Variants in NVL observed in about 807,000 individuals in gnomAD.
NVL encodes nuclear VCP like, also known as nuclear valosin-containing protein-like.
In NVL, 84 loss-of-function variants were observed where a neutral mutation model predicts 110.2. The ratio of observed to expected loss-of-function variants is 0.76; its 90% CI spans 0.64 to 0.91. The LOEUF is 0.91. Among genes scored for constraint, NVL ranks in the 40% least tolerant of loss-of-function variants. The pLI, the probability that NVL is intolerant of heterozygous loss-of-function variation, is 0.00. For missense variants in NVL, 882 were observed against 1,035.9 expected (o/e 0.85, Z 2.04); for synonymous variants, 354 against 361.1 (o/e 0.98, Z 0.22).
At chr1:224,313,549 T>C (rs1669765484) in intron 4 of NVL, among the ~76,000 whole-genome samples, 2 of 152,180 alleles carry the variant, frequency 1.3e-5, no homozygotes, top group African/African-American at 4.8e-5. Context: ...TTGTAATGCA[T>C]ATAAAGAGGT....
At chr1:224,231,915 C>A (rs894273772) in intron 21 of NVL, among the ~76,000 whole-genome samples, 11 of 151,906 alleles carry the variant, frequency 7.2e-5, no homozygotes, top group East Asian at 5.8e-4. Flanking sequence ...GTAGTCCCAG[C>A]TACTCGGGAA....
chr1:224,294,203 T>C, intron 12 of NVL, 64 bp downstream of exon 12: 3 of 1,544,786 alleles, frequency 1.9e-6, no homozygotes, highest in Non-Finnish European at 2.7e-6. Context: ...TCTCACCTCT[T>C]ACTTTCAAAC....
At chr1:224,306,668 C>T (rs1380950748) in intron 6 of NVL, among the ~76,000 whole-genome samples, 1 of 152,050 alleles carries the variant, frequency 6.6e-6, no homozygotes, top group Non-Finnish European at 1.5e-5. Flanking sequence ...GCCATCTCTA[C>T]AAAAAATACA....
In NVL at chr1:224,310,491, T is replaced by C. The variant is rs576465109; in HGVS notation, c.342+1309A>G. Among the ~76,000 whole-genome samples the C allele has an allele frequency of 3.3e-5, 5 of 152,282 alleles. No individual in the cohort carries two copies. The South Asian group carries it at 1.0e-3, about 32-fold the overall frequency. ...TATATCCCTTTTTCCATTTTTACTA[T>C]TAATTACTCTATTCTTGTCTGCCCT... is the stretch of plus-strand genomic sequence containing the variant. On this transcript the variant is annotated intron_variant, in intron 5 of 22. Coordinates refer to ENST00000281701, the MANE Select transcript of NVL (RefSeq NM_002533.4).
chr1:224,240,877 G>A (rs1661118183), intron 19 of NVL, among the ~76,000 whole-genome samples: 1 of 135,564 alleles, frequency 7.4e-6, no homozygotes, highest in African/African-American at 2.8e-5. Flanking sequence ...TGCAAGCTCC[G>A]CCTCCCGGGT....
intron 2 of NVL, among the ~76,000 whole-genome samples, chr1:224,320,439 G>A (rs897959283): frequency 1.3e-5 from 2 of 152,122 alleles, no homozygotes; most frequent in African/African-American, 2.4e-5. Flanking sequence ...TTGCGGTCAG[G>A]AGTTCGAAAC....
At chr1:224,271,636 G>A (rs16845729) in intron 17 of NVL, among the ~76,000 whole-genome samples, 8,496 of 151,940 alleles carry the variant, frequency 0.056, 745 homozygotes, top group African/African-American at 0.18. Context: ...GGAGGAGAAT[G>A]GAAAGAAATT....
rs114636471 is a variant in NVL at position 224,234,395 on chromosome 1, A to T, written c.2367-1106T>A. ...ATGAAAATGAAAAATAAATTTTTTTAAAAAACCTCATCTCTGGACATTAAA... is the reference window on the plus strand; with the variant it reads ...ATGAAAATGAAAAATAAATTTTTTTTAAAAACCTCATCTCTGGACATTAAA... On this transcript the variant is annotated intron_variant, in intron 20 of 22. Coordinates refer to ENST00000281701, the MANE Select transcript of NVL (RefSeq NM_002533.4). Among the ~76,000 whole-genome samples the T allele has an allele frequency of 9.2e-3, 1,397 of 152,242 alleles. 15 individuals are homozygous for T. The highest frequency in any genetic ancestry group is 0.031 in the African/African-American group (1,284 of 41,542).
intron 4 of NVL, chr1:224,313,033 C>T: frequency 2.7e-6 from 1 of 366,514 alleles, no homozygotes; most frequent in South Asian, 2.0e-5. Context: ...CTGGCACACA[C>T]CTGTAATCCC....
rs1667007082 is a variant in NVL at position 224,287,814 on chromosome 1, G to A, written c.1755C>T (p.Ala585=). 6.2e-7 allele frequency: 1 copy of A among 1,613,928 alleles called. No homozygotes were observed. The highest frequency in any genetic ancestry group is 1.3e-5 in the African/African-American group (1 of 74,880). ...TGAGCTCCTCTCTAATGTCTTCCAG[G>A]GCACCAATATCTGCCCATGTCACAT... ...VPNVTWADIG[A]LEDIREELTM... The change falls in exon 14 of 23, where the codon GCC becomes GCT. Residue 585 remains alanine (A), a synonymous_variant. Coordinates refer to ENST00000281701, the MANE Select transcript of NVL (RefSeq NM_002533.4).
At chr1:224,326,893 T>C (rs1671198070) in intron 1 of NVL, among the ~76,000 whole-genome samples, 1 of 152,160 alleles carries the variant, frequency 6.6e-6, no homozygotes, top group Non-Finnish European at 1.5e-5. Context: ...TGGCTGGGCA[T>C]GGTGGCTCAT....
chr1:224,238,672 A>G (rs1017370412), intron 19 of NVL, among the ~76,000 whole-genome samples: 2 of 152,202 alleles, frequency 1.3e-5, no homozygotes, highest in Non-Finnish European at 2.9e-5. Context: ...AATAAAACTA[A>G]AGGGTCAGAA....
intron 15 of NVL, among the ~76,000 whole-genome samples, chr1:224,284,595 G>A (rs1360143557): frequency 6.6e-6 from 1 of 152,076 alleles, no homozygotes; most frequent in Non-Finnish European, 1.5e-5. Context: ...GCCCAAGCTG[G>A]TCTTGAAATC....
Position 224,275,356 on chromosome 1 carries a change from G to A in NVL, c.2065C>T (p.Arg689Ter), listed in dbSNP as rs746165228. ...ATACTTACCTCTCGGTCTGATCTTC[G>A]AGGACATAAAGCATCCACTTCATCA... is the stretch of plus-strand genomic sequence containing the variant. ...FFDEVDALCP[R>*]RSDRETGASV... is the part of the protein sequence containing the mutation. Residue 689 changes from arginine (R) to a stop codon, truncating the protein, a stop_gained, in exon 17 of 23, where the codon CGA becomes TGA. Transcript: ENST00000281701. LOFTEE classifies it high-confidence loss of function. The A allele has an allele frequency of 5.0e-6, 8 of 1,613,964 alleles. No homozygotes were observed. Among genetic ancestry groups the A allele is most frequent in the Non-Finnish European group, 6.8e-6 (8 of 1,180,004 alleles).
At chr1:224,306,693 G>A (rs896605671) in intron 6 of NVL, among the ~76,000 whole-genome samples, 23 of 152,154 alleles carry the variant, frequency 1.5e-4, no homozygotes, top group Admixed American at 7.9e-4. Context: ...TTAGCCAGGT[G>A]TGGTGGTGGG....
At chr1:224,282,151 GA>G (rs1666424155) in intron 15 of NVL, among the ~76,000 whole-genome samples, 1 of 148,958 alleles carries the variant, frequency 6.7e-6, no homozygotes, top group Non-Finnish European at 1.5e-5. Context: ...CTGCAGTCTT[GA>G]CTTCCCAGGT....
At chr1:224,231,195 C>A in intron 22 of NVL, 31 bp downstream of exon 22, 1 of 1,496,066 alleles carries the variant, frequency 6.7e-7, no homozygotes, top group Non-Finnish European at 9.3e-7. Context: ...TTCTAGTTTC[C>A]TTTCTCTATG....
chr1:224,295,454 C>T (rs952870277), intron 11 of NVL, among the ~76,000 whole-genome samples: 2 of 152,028 alleles, frequency 1.3e-5, no homozygotes, highest in Non-Finnish European at 2.9e-5. Context: ...CCCACCTCGG[C>T]CTCCCAAAGT....
chr1:224,231,303 A>T lies in NVL; in HGVS notation c.2456-7T>A. 1 of 1,608,364 alleles carries T rather than the reference A, an allele frequency of 6.2e-7. No homozygotes were observed. The highest frequency in any genetic ancestry group is 8.5e-7 in the Non-Finnish European group (1 of 1,176,228). ...TGACTAACCTTGAGTTCACCTATGG[A>T]GTAAATGCACAAATATACACATCTC... is the stretch of plus-strand genomic sequence containing the variant. On this transcript the variant is annotated splice_region_variant and splice_polypyrimidine_tract_variant and intron_variant, in intron 21 of 22. Transcript: ENST00000281701.
Sources: gnomAD v4.1 joint callset for allele counts (sites outside exome capture counted in the v4.1 genomes callset) on GRCh38, gnomAD v4.1.1 for gene constraint, MANE v1.5 for transcripts, NCBI Gene and HGNC (gene_info 2026-07-23, HGNC 2026-07-21) for gene names.